The following RFX3 variants were observed in gnomAD, a reference collection of about 807,000 sequenced individuals.
RFX3 encodes transcription factor RFX3.
RFX3 carries 14 observed loss-of-function variants against 98.6 expected under a neutral mutation model. The observed-to-expected ratio is 0.14, with a 90% CI of 0.09 to 0.22. The LOEUF (loss-of-function observed/expected upper bound fraction) is 0.22. Ranked by LOEUF, RFX3 falls within the 10% of genes least tolerant of loss-of-function variation. RFX3 has a pLI of 1.00. For synonymous variants in RFX3, 383 were observed against 328.4 expected, an observed-to-expected ratio of 1.17 and a Z score of -1.80; for missense variants, 639 against 926.9, an observed-to-expected ratio of 0.69 and a Z score of 4.03.
chr9:3,277,819 C>A (rs1398749508), intron 7 of RFX3, among the ~76,000 whole-genome samples: 1 of 151,884 alleles, frequency 6.6e-6, no homozygotes, highest in African/African-American at 2.4e-5. Flanking sequence ...TATATTGGAA[C>A]TTTAATCTGA....
intron 1 of RFX3, among the ~76,000 whole-genome samples, chr9:3,411,383 G>C (rs1842455032): frequency 6.6e-6 from 1 of 151,718 alleles, no homozygotes; most frequent in Admixed American, 6.6e-5. Context: ...TATTTTTTGA[G>C]ACAGGGTCTC....
chr9:3,433,170 A>G (rs1279195031), intron 1 of RFX3, among the ~76,000 whole-genome samples: 1 of 152,068 alleles, frequency 6.6e-6, no homozygotes, highest in African/African-American at 2.4e-5. Flanking sequence ...ATATAAGTGA[A>G]TCCATGTAGC....
chr9:3,304,716 T>C (rs1829075894), intron 4 of RFX3, among the ~76,000 whole-genome samples: 2 of 152,022 alleles, frequency 1.3e-5, no homozygotes, highest in South Asian at 4.1e-4. Context: ...GATGAGTCTT[T>C]TGCCTTCTGC....
intron 1 of RFX3, among the ~76,000 whole-genome samples, chr9:3,408,495 G>A (rs1421798092): frequency 6.6e-6 from 1 of 151,968 alleles, no homozygotes; most frequent in Non-Finnish European, 1.5e-5. Flanking sequence ...TCAAGCAGAG[G>A]AAAGCAAAAA....
chr9:3,309,631 G>A (rs1164569526), intron 4 of RFX3, among the ~76,000 whole-genome samples: 1 of 152,090 alleles, frequency 6.6e-6, no homozygotes, highest in East Asian at 1.9e-4. Flanking sequence ...TTGTGCTTGT[G>A]TTCTCTTCCC....
intron 1 of RFX3, among the ~76,000 whole-genome samples, chr9:3,467,742 C>G (rs1455337365): frequency 6.6e-6 from 1 of 152,150 alleles, no homozygotes; most frequent in East Asian, 1.9e-4. Flanking sequence ...ATGGAAAGAA[C>G]AGAGGACAAT....
chr9:3,368,367 G>T (rs998797639), intron 2 of RFX3, among the ~76,000 whole-genome samples: 2 of 151,884 alleles, frequency 1.3e-5, no homozygotes, highest in African/African-American at 4.8e-5. Flanking sequence ...GTTCCCTTTG[G>T]CACTTGTATG....
intron 16 of RFX3, 51 bp downstream of exon 16, chr9:3,228,796 A>G (rs1818098542): frequency 6.8e-7 from 1 of 1,469,342 alleles, no homozygotes; most frequent in Non-Finnish European, 9.4e-7. Flanking sequence ...CTCTGTAAGA[A>G]CTTATTAATA....
At chr9:3,410,547 A>T (rs1019352001) in intron 1 of RFX3, among the ~76,000 whole-genome samples, 2 of 152,182 alleles carry the variant, frequency 1.3e-5, no homozygotes, top group African/African-American at 2.4e-5. Context: ...ACAAATTCTG[A>T]ATTTTCACTT....
At chr9:3,458,546 T>C (rs371908738) in intron 1 of RFX3, among the ~76,000 whole-genome samples, 175 of 147,658 alleles carry the variant, frequency 1.2e-3, no homozygotes, top group African/African-American at 4.4e-3. Context: ...AACAAAGTGA[T>C]TTTTTTAAAG....
intron 1 of RFX3, among the ~76,000 whole-genome samples, chr9:3,458,334 TAA>T (rs1410389111): frequency 6.6e-6 from 1 of 152,126 alleles, no homozygotes; most frequent in African/African-American, 2.4e-5. Flanking sequence ...GACAGATCTT[TAA>T]AAGAGTGCTG....
intron 2 of RFX3, among the ~76,000 whole-genome samples, chr9:3,367,814 A>G (rs1837382043): frequency 6.6e-6 from 1 of 152,228 alleles, no homozygotes; most frequent in African/African-American, 2.4e-5. Context: ...AAAAAGTTCG[A>G]ATAGTTAAGT....
chr9:3,298,182 G>A (rs1828221515), intron 5 of RFX3, among the ~76,000 whole-genome samples: 2 of 151,554 alleles, frequency 1.3e-5, no homozygotes, highest in South Asian at 2.1e-4. Flanking sequence ...GAAAAACAAA[G>A]TCACTCTTGG....
At chr9:3,445,512 T>C (rs1845970221) in intron 1 of RFX3, among the ~76,000 whole-genome samples, 5 of 152,140 alleles carry the variant, frequency 3.3e-5, no homozygotes, top group Admixed American at 3.3e-4. Context: ...GGCTTCATAA[T>C]CCAATCTTAC....
intron 4 of RFX3, 112 bp downstream of exon 4, chr9:3,330,147 A>C: frequency 2.7e-6 from 3 of 1,106,652 alleles, no homozygotes; most frequent in Non-Finnish European, 3.9e-6. Context: ...AAAACTATCC[A>C]ACACATTCTT....
intron 2 of RFX3, among the ~76,000 whole-genome samples, chr9:3,357,999 C>T (rs1376452625): frequency 6.6e-6 from 1 of 151,990 alleles, no homozygotes; most frequent in East Asian, 1.9e-4. Context: ...TAGCTTAGTA[C>T]TAATTCAGAT....
At chr9:3,254,974 G>A (rs1173012877) in intron 14 of RFX3, among the ~76,000 whole-genome samples, 1 of 152,160 alleles carries the variant, frequency 6.6e-6, no homozygotes, top group Non-Finnish European at 1.5e-5. Context: ...TTAAATATAT[G>A]AGAGGCAGGA....
At chr9:3,297,448 G>C (rs892421703) in intron 5 of RFX3, among the ~76,000 whole-genome samples, 1 of 151,998 alleles carries the variant, frequency 6.6e-6, no homozygotes, top group Non-Finnish European at 1.5e-5. Flanking sequence ...TATTAATCAA[G>C]ATAGACTAAA....
At chr9:3,264,407 T>C (rs889471623) in intron 12 of RFX3, among the ~76,000 whole-genome samples, 3 of 152,122 alleles carry the variant, frequency 2.0e-5, no homozygotes, top group Non-Finnish European at 4.4e-5. Flanking sequence ...GTAGAGGGTG[T>C]TCACAGGGAA....
Sources: gnomAD v4.1 joint callset for allele counts (sites outside exome capture counted in the v4.1 genomes callset) on GRCh38, gnomAD v4.1.1 for gene constraint, MANE v1.5 for transcripts, NCBI Gene and HGNC (gene_info 2026-07-23, HGNC 2026-07-21) for gene names.